The following TP73 variants were observed in gnomAD, a reference collection of about 807,000 sequenced individuals.
TP73 encodes p53-like transcription factor.
TP73 carries 25 observed loss-of-function variants against 62.5 expected under a neutral mutation model. The ratio of observed to expected loss-of-function variants is 0.40; its 90% confidence interval spans 0.29 to 0.56. The LOEUF is 0.56. TP73 is among the 20% of genes least tolerant of loss of function. The pLI, the probability that TP73 is intolerant of heterozygous loss-of-function variation, is 0.46. For missense variants in TP73, 754 were observed against 913.3 expected (o/e 0.83, Z 2.25); for synonymous variants, 423 against 377.5 (o/e 1.12, Z -1.40).
intron 1 of TP73, among the ~76,000 whole-genome samples, chr1:3,665,563 G>C (rs776520407): frequency 6.6e-6 from 1 of 152,030 alleles, no homozygotes; most frequent in South Asian, 2.1e-4. Flanking sequence ...CTTTAAAACC[G>C]GAAGGACTTG....
At chr1:3,697,521 T>C (rs1002265140) in intron 3 of TP73, among the ~76,000 whole-genome samples, 3 of 152,228 alleles carry the variant, frequency 2.0e-5, no homozygotes, top group Admixed American at 6.5e-5. Context: ...CCCTGGCCCC[T>C]GTGCCTGGCT....
intron 4 of TP73, among the ~76,000 whole-genome samples, chr1:3,718,156 G>T (rs560820013): frequency 2.6e-5 from 4 of 152,340 alleles, no homozygotes; most frequent in Non-Finnish European, 5.9e-5. Flanking sequence ...GGGTGGTCCG[G>T]CCGCCGCCTG....
intron 1 of TP73, among the ~76,000 whole-genome samples, chr1:3,671,638 G>A (rs1032771456): frequency 3.9e-5 from 6 of 152,252 alleles, no homozygotes; most frequent in African/African-American, 1.2e-4. Flanking sequence ...TGAGATGTGC[G>A]GCCCTGGGCA....
intron 2 of TP73, 27 bp downstream of exon 2, chr1:3,682,457 G>A (rs1216029414): frequency 6.8e-7 from 1 of 1,464,708 alleles, no homozygotes. Context: ...GGCCAGAGCT[G>A]GGGGCCCCCC....
At chr1:3,686,180 C>T (rs74045912) in intron 3 of TP73, among the ~76,000 whole-genome samples, 4,785 of 152,306 alleles carry the variant, frequency 0.031, 270 homozygotes, top group African/African-American at 0.11. Context: ...GGCCTCAGCT[C>T]GGGCAGGCAC....
chr1:3,682,353 C>G lies in TP73; in HGVS notation c.-13C>G. 6.6e-7 allele frequency: 1 copy of G among 1,524,898 alleles called. No individual in the cohort carries two copies. Among genetic ancestry groups the G allele is most frequent in the Non-Finnish European group, 8.9e-7 (1 of 1,128,308 alleles). The allele number at this position is 1,524,898 out of a possible 1,614,324, so 94.5% of individuals were successfully genotyped here. A position where few individuals can be genotyped will look rare whatever the true frequency, so the allele number is the denominator to read the frequency against. Reference sequence around the variant, plus strand: ...TGCAGAGCGAGCTGCCCTCGGAGGCCGGCGTGGGGAAGATGGCCCAGTCCA... The same window carrying G: ...TGCAGAGCGAGCTGCCCTCGGAGGCGGGCGTGGGGAAGATGGCCCAGTCCA... On this transcript the variant is annotated 5_prime_UTR_variant, in exon 2 of 14. Coordinates refer to ENST00000378295, the MANE Select transcript of TP73 (RefSeq NM_005427.4).
chr1:3,708,103 T>A (rs1193584885), intron 4 of TP73: 2 of 462,208 alleles, frequency 4.3e-6, no homozygotes, highest in Admixed American at 3.5e-5. Flanking sequence ...TCAGGTGGGA[T>A]CTTTGGTTTG....
chr1:3,686,015 G>A (rs1157260345), intron 3 of TP73, among the ~76,000 whole-genome samples: 2 of 152,218 alleles, frequency 1.3e-5, no homozygotes, highest in African/African-American at 4.8e-5. Flanking sequence ...TCCTGAGTTC[G>A]TGGCTCAGGT....
rs1180606458 is a variant in TP73, at chr1:3,722,224, C to T, written c.616+17C>T. On this transcript the variant is annotated intron_variant, in intron 5 of 13. Transcript: ENST00000378295. ...TCAACGAAGGTGAGGGCCCCCAGCT[C>T]CTCTGCCCACGGTGGCACTTTGCCC... is the stretch of plus-strand genomic sequence containing the variant. 1 of 1,611,992 alleles carries T rather than the reference C, an allele frequency of 6.2e-7. No homozygotes were observed. The highest frequency in any genetic ancestry group is 8.5e-7 in the Non-Finnish European group (1 of 1,179,550).
chr1:3,667,761 A>G (rs189516184), intron 1 of TP73, among the ~76,000 whole-genome samples: 59 of 152,138 alleles, frequency 3.9e-4, no homozygotes, highest in African/African-American at 1.2e-3. Context: ...AAAAAAAAAA[A>G]AAAGAAAGAA....
chr1:3,705,444 C>T (rs959135089), intron 3 of TP73, among the ~76,000 whole-genome samples: 1 of 152,238 alleles, frequency 6.6e-6, no homozygotes, highest in Non-Finnish European at 1.5e-5. Flanking sequence ...AGGGGGTCCC[C>T]GTTCCACTGG....
At chr1:3,717,428 A>C (rs1435927019) in intron 4 of TP73, among the ~76,000 whole-genome samples, 2 of 152,208 alleles carry the variant, frequency 1.3e-5, no homozygotes. Context: ...CGGTGCACGC[A>C]CCCTGGGCAG....
chr1:3,693,723 G>T (rs796205458), intron 3 of TP73, among the ~76,000 whole-genome samples: 1 of 106,712 alleles, frequency 9.4e-6, no homozygotes, highest in Admixed American at 9.3e-5. Context: ...CCCTCCTCCT[G>T]CAATCCCAGC....
At position 3,716,244 on chromosome 1, in the gene TP73, G is replaced by C. The variant is rs1413567296; in HGVS notation, c.430-5777G>C. 2.6e-5 allele frequency among the ~76,000 whole-genome samples: 4 copies of C among 152,202 alleles called. 1 individual carries two copies. In the South Asian group the frequency reaches 8.3e-4, roughly 31 times the overall value. On this transcript the variant is annotated intron_variant, in intron 4 of 13. Coordinates refer to ENST00000378295, the MANE Select transcript of TP73 (RefSeq NM_005427.4). The stretch of plus-strand genomic sequence containing the variant: ...CTGGCCTGGGAGCCCCGGCTGGCCA[G>C]CATGGGGGTGCCAGCAGACACATCT...
intron 1 of TP73, among the ~76,000 whole-genome samples, chr1:3,660,456 T>A (rs985470591): frequency 6.6e-6 from 1 of 152,216 alleles, no homozygotes; most frequent in African/African-American, 2.4e-5. Context: ...TAACCAACAT[T>A]TCCAGTTGTT....
chr1:3,719,170 T>A (rs1352791283), intron 4 of TP73, among the ~76,000 whole-genome samples: 2 of 152,142 alleles, frequency 1.3e-5, no homozygotes, highest in African/African-American at 2.4e-5. Flanking sequence ...CTCTGTGGTT[T>A]CCCTAGGGAG....
chr1:3,690,957 C>T (rs1275722632), intron 3 of TP73: 13 of 1,574,244 alleles, frequency 8.3e-6, no homozygotes, highest in African/African-American at 2.7e-5. Flanking sequence ...AGGTGTGACG[C>T]GCCATTCATA....
chr1:3,723,377 C>T lies in TP73; in HGVS notation c.640C>T (p.Leu214Phe), dbSNP rs1031408044. The stretch of plus-strand genomic sequence containing the variant: ...AGGACAGTCTGCTCCAGCCAGCCAC[C>T]TCATCCGCGTGGAAGGCAATAATCT... ...NEGQSAPASHLIRVEGNNLSQ... is the reference protein window; with the variant it reads ...NEGQSAPASHFIRVEGNNLSQ... The change falls in exon 6 of 14, where the codon CTC (leucine) becomes TTC (phenylalanine). Residue 214 changes from leucine (L) to phenylalanine (F), a missense_variant. Leu to Phe is a conservative substitution (Grantham distance 22). Coordinates refer to ENST00000378295, the MANE Select transcript of TP73 (RefSeq NM_005427.4). 14 of 1,612,686 alleles carry T rather than the reference C, an allele frequency of 8.7e-6. No homozygotes were observed. The highest frequency in any genetic ancestry group is 1.1e-5 in the Non-Finnish European group (13 of 1,179,874).
At position 3,666,124 on chromosome 1, in the gene TP73, CAAAAAAAAA is replaced by C. The variant is rs59432695; in HGVS notation, c.-34+13502_-34+13510del. ...GGGCAACAAGAGCAAAACTCTGTCT[CAAAAAAAAA>C]AAAAAAAAAAAAAAAAAAGAGAGAG... On this transcript the variant is annotated intron_variant, in intron 1 of 13. Coordinates refer to ENST00000378295, the MANE Select transcript of TP73 (RefSeq NM_005427.4). This position sits in a 1 kb window ranked among gnomAD's most constrained non-coding sequence, Gnocchi z 6.4. Among the ~76,000 whole-genome samples, 188 of 41,078 alleles carry C rather than the reference CAAAAAAAAA, an allele frequency of 4.6e-3. 1 individual carries two copies. The Middle Eastern group carries it at 0.059, about 13-fold the overall frequency. The allele number at this position is 41,078 out of a possible 152,430, so 26.9% of individuals were successfully genotyped here.
Sources: allele counts gnomAD v4.1 joint callset (sites outside exome capture counted in the v4.1 genomes callset), GRCh38; gene constraint gnomAD v4.1.1; non-coding constraint Gnocchi (gnomAD v3.1); transcripts MANE v1.5; gene names NCBI Gene and HGNC (gene_info 2026-07-23, HGNC 2026-07-21).